The following LPIN1 variants were observed in gnomAD, a reference collection of about 807,000 sequenced individuals.
LPIN1 encodes the protein phosphatidate phosphatase LPIN1.
In LPIN1, 71 loss-of-function variants were observed where a neutral mutation model predicts 107.5. That is an observed-to-expected ratio of 0.66 (90% confidence interval 0.55 to 0.80). The LOEUF (loss-of-function observed/expected upper bound fraction) is 0.80. Ranked by LOEUF, LPIN1 falls within the 30% of genes least tolerant of loss-of-function variation. The pLI, the probability that LPIN1 is intolerant of heterozygous loss-of-function variation, is 0.00. For missense variants in LPIN1, 1,043 were observed against 1,160.6 expected (o/e 0.90, Z 1.47); for synonymous variants, 445 against 452.6 (o/e 0.98, Z 0.21).
In LPIN1 at chr2:11,682,678, C is replaced by G. The variant is rs530230153; in HGVS notation, c.81+4950C>G. On this transcript the variant is annotated intron_variant, in intron 1 of 21. Coordinates refer to the LPIN1 transcript ENST00000449576. Reference sequence around the variant, plus strand: ...GTGACAGAGATGGTTGTGGTCATGTCCCAGTATGTATTTATCTATCTCCTG... The same window carrying G: ...GTGACAGAGATGGTTGTGGTCATGTGCCAGTATGTATTTATCTATCTCCTG... 3 of 152,246 alleles carry G rather than the reference C, an allele frequency of 2.0e-5. No individual in the cohort carries two copies. In the South Asian group the frequency reaches 6.2e-4, roughly 32 times the overall value. 9.4% of individuals were successfully genotyped at this position (152,246 alleles called of 1,614,324 possible). A position where few individuals can be genotyped will look rare whatever the true frequency, so the allele number is the denominator to read the frequency against.
At chr2:11,691,907 G>A (rs1170173881) in intron 1 of LPIN1, among the ~76,000 whole-genome samples, 2 of 152,232 alleles carry the variant, frequency 1.3e-5, no homozygotes, top group African/African-American at 4.8e-5. Context: ...CATCATGAAA[G>A]ATCTTATCAA....
chr2:11,760,687 G>A (rs970963710), intron 1 of LPIN1, among the ~76,000 whole-genome samples: 2 of 152,104 alleles, frequency 1.3e-5, no homozygotes, highest in African/African-American at 4.8e-5. Context: ...GGGACAGGGA[G>A]ACGGTGGGGA....
In LPIN1 at chr2:11,803,057, G is replaced by A. The variant is rs1678058341; in HGVS notation, c.2013+24G>A. On this transcript the variant is annotated intron_variant, in intron 15 of 20. Coordinates refer to ENST00000674199, the MANE Select transcript of LPIN1 (RefSeq NM_001349206.2). This position sits in a 1 kb window ranked among gnomAD's most constrained non-coding sequence, Gnocchi z 4.2. ...TTGTGAGTCTCCCATGCTTGGCGCG[G>A]CTGTGTTGTGAGCACATGAGGTTTC... is the stretch of plus-strand genomic sequence containing the variant. 6.2e-7 allele frequency: 1 copy of A among 1,611,530 alleles called. No individual in the cohort carries two copies. The highest frequency in any genetic ancestry group is 8.5e-7 in the Non-Finnish European group (1 of 1,179,956).
chr2:11,707,605 C>A lies in LPIN1; in HGVS notation c.82-6151C>A. 6.6e-6 allele frequency among the ~76,000 whole-genome samples: 1 copy of A among 152,120 alleles called. No individual in the cohort carries two copies. The highest frequency in any genetic ancestry group is 1.5e-5 in the Non-Finnish European group (1 of 68,026). On this transcript the variant is annotated intron_variant, in intron 1 of 21. Coordinates refer to the LPIN1 transcript ENST00000449576. The surrounding 1 kb of genome is among the most constrained non-coding windows in gnomAD (Gnocchi z 4.2). ...GGCTGTGGAGCCATTGCTGGAGCTG[C>A]GGGAGAGAGCAGCGTGGCTGGGACT...
intron 2 of LPIN1, chr2:11,741,514 A>G (rs1666358516): frequency 8.3e-6 from 9 of 1,083,324 alleles, no homozygotes; most frequent in Admixed American, 6.4e-5. Context: ...TGCAAGGAAA[A>G]GAACTGCGTA....
At chr2:11,783,757 T>G (rs564365023) in intron 8 of LPIN1, 72 bp from the exon 9 acceptor site, 1 of 1,267,036 alleles carries the variant, frequency 7.9e-7, no homozygotes, top group Admixed American at 1.7e-5. Context: ...TAAATGCTGT[T>G]TCTATAGATA....
intron 1 of LPIN1, among the ~76,000 whole-genome samples, chr2:11,727,071 T>C (rs1051469639): frequency 6.6e-6 from 1 of 152,220 alleles, no homozygotes; most frequent in Non-Finnish European, 1.5e-5. Flanking sequence ...TCTACTGTAA[T>C]TTCCCTTTTA....
chr2:11,727,084 C>T (rs970910686), intron 1 of LPIN1, among the ~76,000 whole-genome samples: 1 of 152,190 alleles, frequency 6.6e-6, no homozygotes, highest in African/African-American at 2.4e-5. Flanking sequence ...CCCTTTTAAT[C>T]GCTAGAAATG....
chr2:11,727,006 C>A (rs1338979668), intron 1 of LPIN1, among the ~76,000 whole-genome samples: 2 of 152,228 alleles, frequency 1.3e-5, no homozygotes, highest in Admixed American at 6.5e-5. Flanking sequence ...TGCAGACATG[C>A]CATGCTGGAG....
rs139309141 is a variant in LPIN1, at chr2:11,782,404, A to C, written c.1161A>C (p.Leu387Phe). The C allele has an allele frequency of 6.2e-7, 1 of 1,614,224 alleles. No individual in the cohort carries two copies. Among genetic ancestry groups the C allele is most frequent in the South Asian group, 1.1e-5 (1 of 91,080 alleles). Residue 387 changes from leucine (L) to phenylalanine (F), a missense_variant, in exon 8 of 21, where the codon TTA becomes TTC. Transcript: ENST00000674199. ...QFVNEEDLET[L>F]GAAAPLLPMI... is the part of the protein sequence containing the mutation. Reference sequence around the variant, plus strand: ...TGAATGAAGAAGACCTGGAGACCTTAGGAGCAGCAGCGCCACTCTTGCCCA... The same window carrying C: ...TGAATGAAGAAGACCTGGAGACCTTCGGAGCAGCAGCGCCACTCTTGCCCA...
chr2:11,822,797 C>T (rs891900751), intron 20 of LPIN1, among the ~76,000 whole-genome samples: 13 of 152,128 alleles, frequency 8.5e-5, no homozygotes, highest in East Asian at 7.7e-4. Context: ...TTGCCATGCA[C>T]GCATGGAAAG....
chr2:11,724,596 C>T (rs1463656350), intron 1 of LPIN1: 1 of 985,444 alleles, frequency 1.0e-6, no homozygotes, highest in Non-Finnish European at 1.2e-6. Flanking sequence ...CAGGTCCTGA[C>T]AATGTGCCTT....
At chr2:11,772,952 G>A (rs957241403) in intron 4 of LPIN1, among the ~76,000 whole-genome samples, 3 of 152,066 alleles carry the variant, frequency 2.0e-5, no homozygotes, top group African/African-American at 7.3e-5. Context: ...CCTGTGACAG[G>A]CTTAGAACCA....
chr2:11,811,189 G>A (rs1679582076), intron 17 of LPIN1, among the ~76,000 whole-genome samples: 1 of 152,206 alleles, frequency 6.6e-6, no homozygotes, highest in South Asian at 2.1e-4. Flanking sequence ...TGGCATAGGA[G>A]TGCTCAGTGA....
At chr2:11,714,050 C>A (rs185146372) in intron 2 of LPIN1, among the ~76,000 whole-genome samples, 2 of 152,342 alleles carry the variant, frequency 1.3e-5, no homozygotes, top group African/African-American at 4.8e-5. Flanking sequence ...TGAGATGAAT[C>A]CTCCTCCAGG....
At chr2:11,747,250 C>T (rs1247841799) in intron 1 of LPIN1, among the ~76,000 whole-genome samples, 1 of 152,336 alleles carries the variant, frequency 6.6e-6, no homozygotes, top group East Asian at 1.9e-4. Flanking sequence ...TACAGCTCTC[C>T]CCTGCGAGGC....
chr2:11,774,109 G>A lies in LPIN1; in HGVS notation c.722+364G>A, dbSNP rs907003260. On this transcript the variant is annotated intron_variant, in intron 5 of 20. Transcript: ENST00000674199. This position sits in a 1 kb window ranked among gnomAD's most constrained non-coding sequence, Gnocchi z 4.4. Reference sequence around the variant, plus strand: ...AACAGACGTTGCTTCAGGAGCTGCTGAGGTCGTTCAGGGCTATTAGAATGG... The same window carrying A: ...AACAGACGTTGCTTCAGGAGCTGCTAAGGTCGTTCAGGGCTATTAGAATGG... 3.9e-5 allele frequency among the ~76,000 whole-genome samples: 6 copies of A among 152,242 alleles called. No individual in the cohort carries two copies. Among genetic ancestry groups the A allele is most frequent in the African/African-American group, 1.4e-4 (6 of 41,470 alleles).
At chr2:11,699,909 C>T (rs1415244869) in intron 1 of LPIN1, among the ~76,000 whole-genome samples, 1 of 152,096 alleles carries the variant, frequency 6.6e-6, no homozygotes, top group Non-Finnish European at 1.5e-5. Context: ...GAAAATTACT[C>T]AACCTTTCTG....
At chr2:11,773,801 G>C in intron 5 of LPIN1, 56 bp downstream of exon 5, 1 of 1,578,158 alleles carries the variant, frequency 6.3e-7, no homozygotes, top group Admixed American at 1.7e-5. Context: ...TCAGTGATAG[G>C]AAGCAATTCT....
Sources: gnomAD v4.1 joint callset for allele counts (sites outside exome capture counted in the v4.1 genomes callset) on GRCh38, gnomAD v4.1.1 for gene constraint, Gnocchi (gnomAD v3.1) non-coding constraint, MANE v1.5 for transcripts, NCBI Gene and HGNC (gene_info 2026-07-23, HGNC 2026-07-21) for gene names.